The following TMEM132B variants were observed in gnomAD, a reference collection of about 807,000 sequenced individuals.
TMEM132B encodes transmembrane protein 132B.
TMEM132B carries 18 observed loss-of-function variants against 90.8 expected under a neutral mutation model. The observed-to-expected ratio is 0.20, with a 90% confidence interval of 0.14 to 0.29. The LOEUF (loss-of-function observed/expected upper bound fraction) is 0.29, where lower values mean the gene tolerates loss of function less well. Ranked by LOEUF, TMEM132B falls within the 10% of genes least tolerant of loss-of-function variation. TMEM132B has a pLI of 1.00. For missense variants in TMEM132B, 1,096 were observed against 1,326.8 expected (o/e 0.83, Z 2.70); for synonymous variants, 504 against 523.3 (o/e 0.96, Z 0.50).
intron 5 of TMEM132B, among the ~76,000 whole-genome samples, chr12:125,610,430 A>G (rs577539226): frequency 2.3e-3 from 347 of 152,164 alleles, no homozygotes; most frequent in Non-Finnish European, 3.4e-3. Flanking sequence ...TTCTATTCCT[A>G]GTTTGTTGAT....
Position 125,519,451 on chromosome 12 carries a change from C to G in TMEM132B, c.1119C>G (p.Ser373=), listed in dbSNP as rs1592970663. 2 of 1,610,654 alleles carry G rather than the reference C, an allele frequency of 1.2e-6. No homozygotes were observed. The highest frequency in any genetic ancestry group is 1.3e-5 in the African/African-American group (1 of 74,900). The change falls in exon 4 of 9, where the codon TCC becomes TCG. Residue 373 remains serine, a synonymous_variant. Coordinates refer to ENST00000682704, the MANE Select transcript of TMEM132B (RefSeq NM_001366854.1). ...RPDTQSRVNG[S]FYEILQVDFG... ...GTTTGTTTTCCAGGGTAAATGGATC[C>G]TTCTATGAGATCTTGCAAGTGGACT... is the stretch of plus-strand genomic sequence containing the variant.
chr12:125,202,027 T>C, intron 1 of TMEM132B, among the ~76,000 whole-genome samples: 1 of 152,212 alleles, frequency 6.6e-6, no homozygotes, highest in Non-Finnish European at 1.5e-5. Flanking sequence ...TAAATCCCTG[T>C]GGCTTGGGTG....
At chr12:125,373,684 AT>A (rs1251268739) in intron 2 of TMEM132B, among the ~76,000 whole-genome samples, 9 of 152,230 alleles carry the variant, frequency 5.9e-5, no homozygotes, top group Non-Finnish European at 1.3e-4. Flanking sequence ...GCCATCAGCT[AT>A]TAATTCAGAA....
intron 4 of TMEM132B, among the ~76,000 whole-genome samples, chr12:125,534,109 T>C (rs1483222310): frequency 6.6e-6 from 1 of 152,220 alleles, no homozygotes; most frequent in African/African-American, 2.4e-5. Context: ...TTTTTCTTTA[T>C]TAAGGGCTAG....
chr12:125,211,235 C>T (rs994039735), intron 1 of TMEM132B, among the ~76,000 whole-genome samples: 3 of 152,044 alleles, frequency 2.0e-5, no homozygotes, highest in South Asian at 2.1e-4. Flanking sequence ...GGAACAGGCT[C>T]GACTGTGATT....
At chr12:125,590,079 C>G (rs1486197974) in intron 5 of TMEM132B, among the ~76,000 whole-genome samples, 5 of 152,142 alleles carry the variant, frequency 3.3e-5, no homozygotes, top group Non-Finnish European at 7.3e-5. Flanking sequence ...TCCTCACTCC[C>G]TCTCTGACCA....
chr12:125,215,344 A>G (rs1164824271), intron 1 of TMEM132B, among the ~76,000 whole-genome samples: 1 of 152,246 alleles, frequency 6.6e-6, no homozygotes, highest in Admixed American at 6.5e-5. Flanking sequence ...TCAGGGTGTC[A>G]GCAGGCTGCA....
intron 3 of TMEM132B, among the ~76,000 whole-genome samples, chr12:125,461,369 A>G (rs1881430911): frequency 6.6e-6 from 1 of 152,134 alleles, no homozygotes; most frequent in South Asian, 2.1e-4. Context: ...GTTCCTCTCA[A>G]TCAGGGTCAA....
At chr12:125,241,694 T>A (rs1396931496) in intron 1 of TMEM132B, among the ~76,000 whole-genome samples, 2 of 152,122 alleles carry the variant, frequency 1.3e-5, no homozygotes, top group Non-Finnish European at 2.9e-5. Flanking sequence ...GGACTTCTGG[T>A]CTCCAGGGCC....
At chr12:125,266,083 G>A (rs1874687870) in intron 1 of TMEM132B, among the ~76,000 whole-genome samples, 1 of 152,078 alleles carries the variant, frequency 6.6e-6, no homozygotes, top group South Asian at 2.1e-4. Flanking sequence ...ACAAAAATTA[G>A]CCAGGTGTGG....
At chr12:125,320,920 A>G (rs1314825549) in intron 1 of TMEM132B, among the ~76,000 whole-genome samples, 1 of 152,216 alleles carries the variant, frequency 6.6e-6, no homozygotes, top group African/African-American at 2.4e-5. Context: ...CAGCAGACTC[A>G]TTGGGTGGTA....
intron 2 of TMEM132B, among the ~76,000 whole-genome samples, chr12:125,355,895 A>T (rs1462660266): frequency 2.0e-5 from 3 of 152,150 alleles, no homozygotes; most frequent in Non-Finnish European, 2.9e-5. Flanking sequence ...TAAATCGGTG[A>T]TTCTCTAATA....
chr12:125,437,279 G>A (rs1389375813), intron 3 of TMEM132B, among the ~76,000 whole-genome samples: 2 of 152,140 alleles, frequency 1.3e-5, no homozygotes, highest in Admixed American at 1.3e-4. Context: ...GATGCTGGCG[G>A]ATCTGAAATC....
chr12:125,364,039 C>T (rs1878047087), intron 2 of TMEM132B, among the ~76,000 whole-genome samples: 1 of 152,176 alleles, frequency 6.6e-6, no homozygotes, highest in Admixed American at 6.5e-5. Context: ...CAGTAGCATA[C>T]AGTTTAAAAC....
intron 4 of TMEM132B, among the ~76,000 whole-genome samples, chr12:125,579,072 T>C (rs887983949): frequency 3.9e-5 from 6 of 152,190 alleles, no homozygotes; most frequent in African/African-American, 1.4e-4. Flanking sequence ...ACTGCAATTG[T>C]GCTTATGCTG....
intron 3 of TMEM132B, among the ~76,000 whole-genome samples, chr12:125,495,255 C>T (rs1454078401): frequency 7.7e-6 from 1 of 130,616 alleles, no homozygotes; most frequent in Non-Finnish European, 1.6e-5. Context: ...TCCCCCTCCT[C>T]CCTGTAAATG....
rs573600374 is a variant in TMEM132B at position 125,415,093 on chromosome 12, C to T, written c.960-438C>T. ...GCTCCCAGAGTGCCCAGTGCAATGG[C>T]CTCCTCTTCCATCCCCTGGGCTGTG... On this transcript the variant is annotated intron_variant, in intron 2 of 8. Coordinates refer to ENST00000682704, the MANE Select transcript of TMEM132B (RefSeq NM_001366854.1). The surrounding 1 kb of genome is among the most constrained non-coding windows in gnomAD (Gnocchi z 5.3). Among the ~76,000 whole-genome samples the T allele has an allele frequency of 1.3e-3, 193 of 152,308 alleles. No homozygotes were observed. The highest frequency in any genetic ancestry group is 2.2e-3 in the Non-Finnish European group (148 of 68,032).
chr12:125,610,966 T>A (rs996872289), intron 5 of TMEM132B, among the ~76,000 whole-genome samples: 2 of 152,252 alleles, frequency 1.3e-5, no homozygotes, highest in Admixed American at 6.5e-5. Context: ...TGGTGTTAAT[T>A]CTTCTTTAAA....
intron 3 of TMEM132B, among the ~76,000 whole-genome samples, chr12:125,482,688 G>A (rs184582166): frequency 2.6e-5 from 4 of 152,246 alleles, no homozygotes; most frequent in Admixed American, 6.5e-5. Context: ...ACAGTGTGGC[G>A]ATTCCTCAAG....
Sources: gnomAD v4.1 joint callset for allele counts (sites outside exome capture counted in the v4.1 genomes callset) on GRCh38, gnomAD v4.1.1 for gene constraint, Gnocchi (gnomAD v3.1) non-coding constraint, MANE v1.5 for transcripts, NCBI Gene and HGNC (gene_info 2026-07-23, HGNC 2026-07-21) for gene names.